EFNA5: variants seen among roughly 807,000 people sequenced by gnomAD.
The protein encoded by EFNA5 is ephrin A5.
Under a neutral mutation model 22.9 loss-of-function variants are expected in EFNA5, and 5 were observed. The ratio of observed to expected loss-of-function variants is 0.22; its 90% CI spans 0.11 to 0.46. EFNA5 has a LOEUF of 0.46. Ranked by LOEUF, EFNA5 falls within the 20% of genes least tolerant of loss-of-function variation. EFNA5 has a pLI of 0.99. For missense variants in EFNA5, 237 were observed against 293.3 expected (o/e 0.81, Z 1.40); for synonymous variants, 113 against 112.2 (o/e 1.01, Z -0.04).
At chr5:107,415,120 G>A (rs559106269) in intron 2 of EFNA5, among the ~76,000 whole-genome samples, 44 of 152,154 alleles carry the variant, frequency 2.9e-4, no homozygotes, top group Non-Finnish European at 5.4e-4. Flanking sequence ...TTTCTCATTT[G>A]TAAAATCGGA....
intron 1 of EFNA5, among the ~76,000 whole-genome samples, chr5:107,532,636 G>A (rs746776760): frequency 6.6e-6 from 1 of 152,166 alleles, no homozygotes; most frequent in Non-Finnish European, 1.5e-5. Context: ...CCATGAACTG[G>A]TCCTCTACCA....
intron 2 of EFNA5, among the ~76,000 whole-genome samples, chr5:107,416,073 C>A (rs1323480371): frequency 6.6e-6 from 1 of 152,208 alleles, no homozygotes; most frequent in African/African-American, 2.4e-5. Context: ...GCCTTCATCA[C>A]AATTGAAACA....
rs556585824 is a variant in EFNA5, at chr5:107,481,164, C to T, written c.126-53655G>A. Among the ~76,000 whole-genome samples, 17 of 152,304 alleles carry T rather than the reference C, an allele frequency of 1.1e-4. No homozygotes were observed. The East Asian group carries it at 3.1e-3, about 28-fold the overall frequency. On this transcript the variant is annotated intron_variant, in intron 1 of 4. Transcript: ENST00000333274. ...GACAGGCAAAAGCCAGAAATACAGACTGAGAAGTGTCAACTGCAAATGAGA... is the reference window on the plus strand; with the variant it reads ...GACAGGCAAAAGCCAGAAATACAGATTGAGAAGTGTCAACTGCAAATGAGA...
intron 1 of EFNA5, among the ~76,000 whole-genome samples, chr5:107,461,553 T>C (rs1561396492): frequency 1.3e-5 from 2 of 152,082 alleles, no homozygotes; most frequent in Non-Finnish European, 2.9e-5. Flanking sequence ...AGAAAGACTG[T>C]GATCTAAGCA....
intron 1 of EFNA5, among the ~76,000 whole-genome samples, chr5:107,534,364 G>C (rs1054317104): frequency 1.3e-5 from 2 of 152,188 alleles, no homozygotes; most frequent in Non-Finnish European, 1.5e-5. Flanking sequence ...TGAGCTAAGA[G>C]AAAGCAACAC....
intron 1 of EFNA5, among the ~76,000 whole-genome samples, chr5:107,481,658 G>C (rs754456841): frequency 4.6e-5 from 7 of 151,904 alleles, no homozygotes; most frequent in Non-Finnish European, 1.5e-5. Context: ...AGACCAGCCT[G>C]GCCAACATGG....
chr5:107,645,528 G>T (rs1267934113), intron 1 of EFNA5, among the ~76,000 whole-genome samples: 16 of 152,168 alleles, frequency 1.1e-4, no homozygotes, highest in Non-Finnish European at 1.8e-4. Flanking sequence ...ACACTATACT[G>T]AATCAAGTTT....
At chr5:107,601,820 C>G (rs1291391780) in intron 1 of EFNA5, among the ~76,000 whole-genome samples, 1 of 152,136 alleles carries the variant, frequency 6.6e-6, no homozygotes, top group Non-Finnish European at 1.5e-5. Flanking sequence ...TGGAGGTAAG[C>G]TGGAGTTCTA....
chr5:107,596,499 T>C (rs188213548), intron 1 of EFNA5, among the ~76,000 whole-genome samples: 108 of 152,320 alleles, frequency 7.1e-4, no homozygotes, highest in Admixed American at 1.2e-3. Flanking sequence ...CACATTTTCT[T>C]TATCCATTCA....
chr5:107,665,193 T>C (rs1240392010), intron 1 of EFNA5, among the ~76,000 whole-genome samples: 1 of 152,220 alleles, frequency 6.6e-6, no homozygotes, highest in Non-Finnish European at 1.5e-5. Context: ...TATTCATTCA[T>C]TTTCTTGGCC....
intron 1 of EFNA5, among the ~76,000 whole-genome samples, chr5:107,469,418 A>G (rs1750078941): frequency 1.3e-5 from 2 of 152,186 alleles, no homozygotes; most frequent in Non-Finnish European, 2.9e-5. Context: ...GCCTGAATAA[A>G]GACTTCTCAA....
At chr5:107,657,174 A>C (rs1290723737) in intron 1 of EFNA5, among the ~76,000 whole-genome samples, 1 of 152,102 alleles carries the variant, frequency 6.6e-6, no homozygotes, top group African/African-American at 2.4e-5. Flanking sequence ...TTTTTTAAAA[A>C]TGGAGGTGAA....
At chr5:107,395,048 TTTTTC>T in intron 2 of EFNA5, among the ~76,000 whole-genome samples, 1 of 141,782 alleles carries the variant, frequency 7.1e-6, no homozygotes, top group African/African-American at 2.7e-5. Flanking sequence ...TTTTTTTTTT[TTTTTC>T]CGCGAGACAG....
chr5:107,661,312 G>C (rs1038773511), intron 1 of EFNA5, among the ~76,000 whole-genome samples: 6 of 152,142 alleles, frequency 3.9e-5, no homozygotes, highest in Non-Finnish European at 8.8e-5. Flanking sequence ...AGCCACAAAA[G>C]CTCTGTCTGA....
intron 1 of EFNA5, among the ~76,000 whole-genome samples, chr5:107,541,440 G>C (rs1748047014): frequency 1.3e-5 from 2 of 152,106 alleles, no homozygotes; most frequent in African/African-American, 4.8e-5. Context: ...CCTAACTCTA[G>C]CAATAGCAAT....
At chr5:107,401,269 T>G (rs1457207370) in intron 2 of EFNA5, among the ~76,000 whole-genome samples, 1 of 152,210 alleles carries the variant, frequency 6.6e-6, no homozygotes, top group Non-Finnish European at 1.5e-5. Context: ...TTTATTGTAT[T>G]ACTTGGCATT....
chr5:107,421,764 C>A (rs1748673923), intron 2 of EFNA5, among the ~76,000 whole-genome samples: 1 of 151,482 alleles, frequency 6.6e-6, no homozygotes, highest in Non-Finnish European at 1.5e-5. Flanking sequence ...GTATAATAGA[C>A]CCCAGGACTT....
At chr5:107,554,896 T>C (rs1580527811) in intron 1 of EFNA5, among the ~76,000 whole-genome samples, 1 of 152,196 alleles carries the variant, frequency 6.6e-6, no homozygotes, top group East Asian at 1.9e-4. Context: ...CATTTACTAC[T>C]ACGTTCTGCA....
intron 1 of EFNA5, among the ~76,000 whole-genome samples, chr5:107,576,399 T>C (rs1748928968): frequency 1.3e-5 from 2 of 152,196 alleles, no homozygotes; most frequent in Non-Finnish European, 2.9e-5. Context: ...GGGGGCACCA[T>C]GTTTCCAAGT....
Sources: gnomAD v4.1 joint callset for allele counts (sites outside exome capture counted in the v4.1 genomes callset) on GRCh38, gnomAD v4.1.1 for gene constraint, MANE v1.5 for transcripts, NCBI Gene and HGNC (gene_info 2026-07-23, HGNC 2026-07-21) for gene names.